Variants in FNDC3B observed in about 807,000 individuals in gnomAD.
The protein encoded by FNDC3B is fibronectin type III domain-containing protein 3B.
Under a neutral mutation model 151.5 loss-of-function variants are expected in FNDC3B, and 12 were observed. The observed-to-expected ratio is 0.08, with a 90% CI of 0.05 to 0.13. The LOEUF (loss-of-function observed/expected upper bound fraction) is 0.13. Among genes scored for constraint, FNDC3B ranks in the 10% least tolerant of loss-of-function variants. The pLI, the probability that FNDC3B is intolerant of heterozygous loss-of-function variation, is 1.00. For synonymous variants in FNDC3B, 528 were observed against 549.0 expected, an observed-to-expected ratio of 0.96 and a Z score of 0.54; for missense variants, 1,214 against 1,505.3, an observed-to-expected ratio of 0.81 and a Z score of 3.20.
chr3:172,365,646 A>G (rs891408130), intron 23 of FNDC3B, among the ~76,000 whole-genome samples: 12 of 152,172 alleles, frequency 7.9e-5, no homozygotes, highest in African/African-American at 2.4e-4. Context: ...CTGGCTTACA[A>G]TACTGAAGAG....
intron 6 of FNDC3B, among the ~76,000 whole-genome samples, chr3:172,282,042 G>A (rs770291678): frequency 9.9e-5 from 15 of 152,158 alleles, no homozygotes; most frequent in African/African-American, 2.7e-4. Context: ...TTCGAGGCAC[G>A]CTTAGATCAT....
At chr3:172,189,072 GTA>G (rs1305697836) in intron 3 of FNDC3B, among the ~76,000 whole-genome samples, 1 of 152,166 alleles carries the variant, frequency 6.6e-6, no homozygotes, top group Non-Finnish European at 1.5e-5. Flanking sequence ...GGAACTGTAA[GTA>G]TTTCTTTTAG....
intron 1 of FNDC3B, among the ~76,000 whole-genome samples, chr3:172,077,028 A>G (rs1050580816): frequency 2.6e-5 from 4 of 152,250 alleles, no homozygotes; most frequent in African/African-American, 9.6e-5. Flanking sequence ...GCATAATGAA[A>G]TTATATAAAC....
chr3:172,229,513 C>T (rs907730913), intron 4 of FNDC3B, among the ~76,000 whole-genome samples: 5 of 152,296 alleles, frequency 3.3e-5, no homozygotes, highest in South Asian at 4.1e-4. Flanking sequence ...GGTGCCCCTC[C>T]TCAATGTGAC....
chr3:172,375,542 C>T (rs1576958352), intron 23 of FNDC3B, among the ~76,000 whole-genome samples: 3 of 152,254 alleles, frequency 2.0e-5, no homozygotes, highest in Non-Finnish European at 4.4e-5. Flanking sequence ...AATTACTTAC[C>T]ATCTATTTTG....
intron 3 of FNDC3B, among the ~76,000 whole-genome samples, chr3:172,211,553 T>A (rs1725731834): frequency 6.6e-6 from 1 of 152,214 alleles, no homozygotes; most frequent in Admixed American, 6.5e-5. Flanking sequence ...GGAAGGCATG[T>A]CATAGAAGGA....
chr3:172,231,522 G>A (rs1274898187), intron 4 of FNDC3B, among the ~76,000 whole-genome samples: 1 of 152,172 alleles, frequency 6.6e-6, no homozygotes, highest in Non-Finnish European at 1.5e-5. Context: ...GGAAACAATG[G>A]GGCAGCTGGG....
chr3:172,130,083 C>T (rs1309165669), intron 2 of FNDC3B, among the ~76,000 whole-genome samples: 1 of 152,074 alleles, frequency 6.6e-6, no homozygotes, highest in African/African-American at 2.4e-5. Context: ...GTGACTCATG[C>T]TCCTCGGGGC....
intron 3 of FNDC3B, among the ~76,000 whole-genome samples, chr3:172,196,653 G>A (rs182106418): frequency 6.6e-6 from 1 of 152,164 alleles, no homozygotes; most frequent in East Asian, 1.9e-4. Flanking sequence ...GGGAGAGCTT[G>A]GTGAAAGGTT....
At chr3:172,355,447 C>G (rs943050001) in intron 22 of FNDC3B, among the ~76,000 whole-genome samples, 8 of 152,168 alleles carry the variant, frequency 5.3e-5, no homozygotes, top group Non-Finnish European at 1.0e-4. Flanking sequence ...ACAGCATTAG[C>G]ATCACCTGGG....
At chr3:172,190,171 C>CTTT (rs1164676940) in intron 3 of FNDC3B, among the ~76,000 whole-genome samples, 3 of 152,084 alleles carry the variant, frequency 2.0e-5, no homozygotes. Flanking sequence ...GTGCCTGACC[C>CTTT]TTTATAAAGG....
intron 1 of FNDC3B, among the ~76,000 whole-genome samples, chr3:172,074,762 G>A (rs1399416627): frequency 6.6e-6 from 1 of 152,144 alleles, no homozygotes; most frequent in Non-Finnish European, 1.5e-5. Context: ...GCCCGTTAGT[G>A]GCCACAGTCA....
chr3:172,146,112 G>A (rs954004698), intron 3 of FNDC3B, among the ~76,000 whole-genome samples: 1 of 151,780 alleles, frequency 6.6e-6, no homozygotes, highest in Admixed American at 6.6e-5. Flanking sequence ...CGTGCCTGGC[G>A]GAAATAGTTT....
rs16845222 is a variant in FNDC3B, at chr3:172,257,286, T to A, written c.790+5745T>A. On this transcript the variant is annotated intron_variant, in intron 6 of 25. Transcript: ENST00000415807. ...TGACTTTCACTTTGTTCCTGGGGCT[T>A]ACCCTAAGAGTGAGGATGTCTTTTT... Among the ~76,000 whole-genome samples the A allele has an allele frequency of 8.8e-3, 1,345 of 152,320 alleles. 24 individuals carry two copies. Among genetic ancestry groups the A allele is most frequent in the African/African-American group, 0.03 (1,257 of 41,568 alleles).
At chr3:172,112,682 G>A in intron 2 of FNDC3B, 92 bp downstream of exon 2, 1 of 880,428 alleles carries the variant, frequency 1.1e-6, no homozygotes, top group Non-Finnish European at 1.9e-6. Flanking sequence ...AAAGGTTTGT[G>A]ATTTCAAACC....
chr3:172,140,017 T>A (rs1721543833), intron 3 of FNDC3B, among the ~76,000 whole-genome samples: 1 of 152,160 alleles, frequency 6.6e-6, no homozygotes, highest in South Asian at 2.1e-4. Flanking sequence ...CAAGCTGAAA[T>A]GTTATTGTGA....
intron 6 of FNDC3B, among the ~76,000 whole-genome samples, chr3:172,275,271 A>G (rs1729377917): frequency 6.6e-6 from 1 of 152,122 alleles, no homozygotes; most frequent in African/African-American, 2.4e-5. Flanking sequence ...TTTAAACTGC[A>G]TCTTTAAATA....
chr3:172,265,873 G>A (rs990273834), intron 6 of FNDC3B, among the ~76,000 whole-genome samples: 2 of 152,178 alleles, frequency 1.3e-5, no homozygotes, highest in Non-Finnish European at 2.9e-5. Flanking sequence ...TTTTCCTGCT[G>A]CCTTGTTGTG....
intron 1 of FNDC3B, among the ~76,000 whole-genome samples, chr3:172,105,262 C>T (rs1719586885): frequency 6.6e-6 from 1 of 151,960 alleles, no homozygotes. Context: ...TATATGATTC[C>T]GTATCAAATT....
Sources: gnomAD v4.1 joint callset for allele counts (sites outside exome capture counted in the v4.1 genomes callset) on GRCh38, gnomAD v4.1.1 for gene constraint, MANE v1.5 for transcripts, NCBI Gene and HGNC (gene_info 2026-07-23, HGNC 2026-07-21) for gene names.